Variants in ABLIM1 observed in about 807,000 individuals in gnomAD.
The protein encoded by ABLIM1 is actin binding LIM protein 1.
ABLIM1 carries 40 observed loss-of-function variants against 107.0 expected under a neutral mutation model. The ratio of observed to expected loss-of-function variants is 0.37; its 90% CI spans 0.29 to 0.49. ABLIM1 has a LOEUF of 0.49. Ranked by LOEUF, ABLIM1 falls within the 20% of genes least tolerant of loss-of-function variation. The pLI, the probability that ABLIM1 is intolerant of heterozygous loss-of-function variation, is 0.97. For missense variants in ABLIM1, 857 were observed against 1,008.5 expected (o/e 0.85, Z 2.04); for synonymous variants, 357 against 357.3 (o/e 1.00, Z 0.01).
intron 2 of ABLIM1, among the ~76,000 whole-genome samples, chr10:114,578,000 G>A (rs989946582): frequency 6.6e-6 from 1 of 152,020 alleles, no homozygotes; most frequent in Admixed American, 6.6e-5. Flanking sequence ...TTACTTTCCT[G>A]TTTCTCCTCC....
At chr10:114,652,846 G>C (rs1333278077) in intron 1 of ABLIM1, among the ~76,000 whole-genome samples, 2 of 152,198 alleles carry the variant, frequency 1.3e-5, no homozygotes, top group East Asian at 3.8e-4. Context: ...TCCTACAGGA[G>C]AGTAAGGGAA....
intron 11 of ABLIM1, among the ~76,000 whole-genome samples, chr10:114,466,786 A>G (rs1211512464): frequency 4.0e-4 from 61 of 152,212 alleles, no homozygotes; most frequent in Admixed American, 4.0e-3. Context: ...TAATTTATTC[A>G]AATACTTTCA....
the ABLIM1 span, among the ~76,000 whole-genome samples, chr10:114,801,044 C>T: frequency 1.3e-5 from 2 of 152,148 alleles, no homozygotes; most frequent in African/African-American, 4.8e-5. Context: ...AGTTGATTAA[C>T]ACACATTTTG....
intron 1 of ABLIM1, among the ~76,000 whole-genome samples, chr10:114,706,534 C>T (rs1426553881): frequency 2.0e-5 from 3 of 152,134 alleles, no homozygotes; most frequent in African/African-American, 7.2e-5. Context: ...ACTATAAATC[C>T]CAGCACCAAA....
chr10:114,456,313 T>C (rs1472874986), intron 12 of ABLIM1, among the ~76,000 whole-genome samples: 6 of 152,192 alleles, frequency 3.9e-5, no homozygotes, highest in Non-Finnish European at 8.8e-5. Flanking sequence ...CTTTTATAAG[T>C]TTCCCATTAC....
chr10:114,443,122 T>C (rs1265085169), intron 17 of ABLIM1, among the ~76,000 whole-genome samples: 3 of 152,074 alleles, frequency 2.0e-5, no homozygotes, highest in African/African-American at 7.2e-5. Flanking sequence ...TTAAAGGAAC[T>C]CTTAGAGGAG....
At chr10:114,769,843 CA>C (rs1036805962), upstream of ABLIM1, among the ~76,000 whole-genome samples, 4 of 152,184 alleles carry the variant, frequency 2.6e-5, no homozygotes, top group Non-Finnish European at 4.4e-5. Context: ...ATGCCAACTA[CA>C]AAAATCAACT....
chr10:114,551,033 G>T (rs1274987473), intron 4 of ABLIM1, among the ~76,000 whole-genome samples: 1 of 152,226 alleles, frequency 6.6e-6, no homozygotes, highest in African/African-American at 2.4e-5. Flanking sequence ...CAGGGAGGTG[G>T]ATGGTGTGGG....
At chr10:114,639,046 T>A (rs1018418538) in intron 1 of ABLIM1, among the ~76,000 whole-genome samples, 6 of 152,322 alleles carry the variant, frequency 3.9e-5, no homozygotes, top group South Asian at 2.1e-4. Flanking sequence ...AAAGCCTACA[T>A]TTGTTCCCCT....
chr10:114,467,553 C>T (rs1483852133), intron 11 of ABLIM1, among the ~76,000 whole-genome samples: 7 of 152,192 alleles, frequency 4.6e-5, no homozygotes. Context: ...TTATGTGCTT[C>T]AAGCTTGCAC....
At chr10:114,571,254 G>T in intron 4 of ABLIM1, 43 bp downstream of exon 4, 2 of 1,557,720 alleles carry the variant, frequency 1.3e-6, no homozygotes, top group South Asian at 2.2e-5. Flanking sequence ...GCTACCTCTG[G>T]ACTACATAGG....
chr10:114,513,602 C>T (rs994339962), intron 6 of ABLIM1, among the ~76,000 whole-genome samples: 1 of 152,132 alleles, frequency 6.6e-6, no homozygotes, highest in Non-Finnish European at 1.5e-5. Context: ...GCAATCAAAG[C>T]CCAACTTGGT....
intron 1 of ABLIM1, among the ~76,000 whole-genome samples, chr10:114,694,811 A>G (rs1341147410): frequency 1.3e-5 from 2 of 152,226 alleles, no homozygotes; most frequent in African/African-American, 4.8e-5. Context: ...ATAGACAATA[A>G]TAATTGGTTG....
chr10:114,568,448 C>A (rs1438027584), intron 4 of ABLIM1, among the ~76,000 whole-genome samples: 1 of 152,102 alleles, frequency 6.6e-6, no homozygotes, highest in East Asian at 1.9e-4. Flanking sequence ...GTCACACAGG[C>A]TAGTTTTAAA....
chr10:114,451,697 G>T (rs761287758), intron 13 of ABLIM1, 26 bp from the exon 14 acceptor site: 1 of 1,591,594 alleles, frequency 6.3e-7, no homozygotes, highest in East Asian at 2.3e-5. Flanking sequence ...GCAAAGGTGT[G>T]TGATTATGGG....
intron 12 of ABLIM1, among the ~76,000 whole-genome samples, chr10:114,460,981 G>C (rs759245682): frequency 2.0e-5 from 3 of 152,164 alleles, no homozygotes; most frequent in Non-Finnish European, 4.4e-5. Context: ...ACATATAATA[G>C]CCAAGTGAGG....
At chr10:114,607,451 T>C (rs1232367613) in intron 1 of ABLIM1, among the ~76,000 whole-genome samples, 1 of 152,176 alleles carries the variant, frequency 6.6e-6, no homozygotes, top group Non-Finnish European at 1.5e-5. Flanking sequence ...GGGCTGTACA[T>C]AGTGATCTCC....
In ABLIM1 at chr10:114,451,651, G is replaced by C; in HGVS notation, c.1567C>G (p.Arg523Gly). 1 of 1,613,036 alleles carries C rather than the reference G, an allele frequency of 6.2e-7. No homozygotes were observed. Among genetic ancestry groups the C allele is most frequent in the Admixed American group, 1.7e-5 (1 of 59,896 alleles). Residue 523 changes from arginine to glycine, a missense_variant, in exon 14 of 23, where the codon CGA becomes GGA. Around this residue, in one of 5 missense-constraint regions of ABLIM1, gnomAD observed 103 missense variants for 101.0 expected, o/e 1.02. Transcript: ENST00000533213. ...TGCTGTTTGTAGATGGGTGGCTTTC[G>C]GTAAATGTTGATTCCTTGATCTGTG... ...HVPDQGINIY[R>G]KPPIYKQHAA... is the part of the protein sequence containing the mutation.
intron 1 of ABLIM1, among the ~76,000 whole-genome samples, chr10:114,731,981 T>G (rs573435955): frequency 1.3e-5 from 2 of 152,184 alleles, no homozygotes; most frequent in Non-Finnish European, 2.9e-5. Context: ...ACTCTATATT[T>G]AACTTTTTGA....
Sources: allele counts gnomAD v4.1 joint callset (sites outside exome capture counted in the v4.1 genomes callset), GRCh38; gene constraint gnomAD v4.1.1; regional missense constraint gnomAD v4.1.1; transcripts MANE v1.5; gene names NCBI Gene and HGNC (gene_info 2026-07-23, HGNC 2026-07-21).